CYP27B1: variants seen among roughly 807,000 people sequenced by gnomAD.
CYP27B1 encodes the protein 25-hydroxyvitamin D-1 alpha hydroxylase, mitochondrial.
Under a neutral mutation model 54.8 loss-of-function variants are expected in CYP27B1, and 46 were observed. The observed-to-expected ratio is 0.84, with a 90% confidence interval of 0.66 to 1.07. The LOEUF is 1.07. Among genes scored for constraint, CYP27B1 ranks in the 50% least tolerant of loss-of-function variants. CYP27B1 has a pLI of 0.00. For missense variants in CYP27B1, 674 were observed against 692.2 expected, an observed-to-expected ratio of 0.97 and a Z score of 0.30; for synonymous variants, 292 against 297.3, an observed-to-expected ratio of 0.98 and a Z score of 0.18.
Position 57,764,757 on chromosome 12 carries a change from G to C in CYP27B1, c.960C>G (p.Asp320Glu), listed in dbSNP as rs1955344604. ...CAGCACGGAGGGAGAACCTCACCGT[G>C]TCCACTCCCGCCAATAGCAACTCTG... ...NVTELLLAGV[D>E]TVSNTLSWAL... Residue 320 changes from aspartate (D) to glutamate (E), a missense_variant, in exon 5 of 9, where the codon GAC (aspartate) becomes GAG (glutamate). Transcript: ENST00000228606. 2 of 1,613,924 alleles carry C rather than the reference G, an allele frequency of 1.2e-6. No individual in the cohort carries two copies. Among genetic ancestry groups the C allele is most frequent in the Non-Finnish European group, 1.7e-6 (2 of 1,180,006 alleles).
rs755512223 is a variant in CYP27B1, at chr12:57,767,011, C to T, written c.31G>A (p.Val11Met). ...GGCGCCCAGCGGACGCGATGGAACA[C>T]TCTGGAGGCGTACTTGAGGGTCTGG... MTQTLKYASR[V>M]FHRVRWAPEL... Residue 11 changes from valine (V) to methionine (M), a missense_variant, in exon 1 of 9, where the codon GTG (valine) becomes ATG (methionine). Val to Met is a conservative substitution (Grantham distance 21, BLOSUM62 1). Transcript: ENST00000228606. 7 of 1,614,134 alleles carry T rather than the reference C, an allele frequency of 4.3e-6. No homozygotes were observed. In the Admixed American group the frequency reaches 1.0e-4, roughly 23 times the overall value.
chr12:57,764,422 CA>C lies in CYP27B1; in HGVS notation c.1091del (p.Leu364ArgfsTer7). ...GSSAYPSATV[L>X]SQLPLLKAVV... is the part of the protein sequence containing the mutation. ...CCGCCTTCAGCAGGGGCAGCTGGGA[CA>C]GAACAGTGGCTGAGGGGTAGGCACT... On this transcript the variant is annotated frameshift_variant, in exon 6 of 9. Transcript: ENST00000228606. LOFTEE classifies it high-confidence loss of function. 1 of 1,614,218 alleles carries C rather than the reference CA, an allele frequency of 6.2e-7. No individual in the cohort carries two copies.
At position 57,767,020 on chromosome 12, in the gene CYP27B1, C is replaced by T. The variant is rs577501884; in HGVS notation, c.22G>A (p.Ala8Thr). 1.5e-5 allele frequency: 24 copies of T among 1,614,202 alleles called. No homozygotes were observed. The South Asian group carries it at 2.3e-4, about 16-fold the overall frequency. The change falls in exon 1 of 9, where the codon GCC becomes ACC. Residue 8 changes from alanine to threonine, a missense_variant. Physicochemically the swap from Ala to Thr is moderately conservative, Grantham distance 58. Coordinates refer to ENST00000228606, the MANE Select transcript of CYP27B1 (RefSeq NM_000785.4). ...CGGACGCGATGGAACACTCTGGAGG[C>T]GTACTTGAGGGTCTGGGTCATGGTC... MTQTLKY[A>T]SRVFHRVRWA...
At position 57,764,087 on chromosome 12, in the gene CYP27B1, G is replaced by T; in HGVS notation, c.1215+11C>A. The T allele has an allele frequency of 1.9e-6, 3 of 1,601,844 alleles. No individual in the cohort carries two copies. The highest frequency in any genetic ancestry group is 2.6e-6 in the Non-Finnish European group (3 of 1,168,956). Reference sequence around the variant, plus strand: ...ATGGCTCAGTAGAAAGGGTGCATAGGCTTTACTCACATTTTTGGGGATAAT... The same window carrying T: ...ATGGCTCAGTAGAAAGGGTGCATAGTCTTTACTCACATTTTTGGGGATAAT... On this transcript the variant is annotated intron_variant, in intron 7 of 8. Transcript: ENST00000228606.
In CYP27B1 at chr12:57,766,604, T is replaced by G. The variant is rs563225181; in HGVS notation, c.195+243A>C. On this transcript the variant is annotated intron_variant, in intron 1 of 8. Coordinates refer to ENST00000228606, the MANE Select transcript of CYP27B1 (RefSeq NM_000785.4). ...CCCTCCCGCGCACTTGTACTTTATC[T>G]GCAGGATCTCCACACCTCAGGACAG... The G allele has an allele frequency of 5.0e-6, 3 of 594,798 alleles. No homozygotes were observed. In the African/African-American group the frequency reaches 5.6e-5, roughly 11 times the overall value. The allele number at this position is 594,798 out of a possible 1,614,324, so 36.8% of individuals were successfully genotyped here. A position where few individuals can be genotyped will look rare whatever the true frequency, so the allele number is the denominator to read the frequency against.
intron 8 of CYP27B1, among the ~76,000 whole-genome samples, 159 bp downstream of exon 8, chr12:57,763,452 C>T (rs568414896): frequency 2.0e-5 from 3 of 152,178 alleles, no homozygotes; most frequent in East Asian, 1.9e-4. Flanking sequence ...TGAATACCCT[C>T]ACTTACACTC....
chr12:57,765,466 G>A lies in CYP27B1; in HGVS notation c.420C>T (p.Leu140=), dbSNP rs2140397248. ...EGEEWQRLRS[L]LAPLLLRPQA... is the part of the protein sequence containing the mutation. ...GAGGCCGGAGGAGGAGCGGGGCCAG[G>A]AGACTGCGGAGCCTTTGCCATTCTT... Residue 140 remains leucine (L), a synonymous_variant, in exon 3 of 9, where the codon CTC becomes CTT. Coordinates refer to ENST00000228606, the MANE Select transcript of CYP27B1 (RefSeq NM_000785.4). This position sits in a 1 kb window ranked among gnomAD's most constrained non-coding sequence, Gnocchi z 5.8. 1 of 1,612,344 alleles carries A rather than the reference G, an allele frequency of 6.2e-7. No homozygotes were observed. Among genetic ancestry groups the A allele is most frequent in the Non-Finnish European group, 8.5e-7 (1 of 1,179,420 alleles).
At position 57,763,078 on chromosome 12, in the gene CYP27B1, C is replaced by A. The variant is rs1265980990; in HGVS notation, c.*64G>T. ...GGAAGATGTATACCTTGGTCTTGTG[C>A]CTACAAAAAATCTTATCCCTATGAT... On this transcript the variant is annotated 3_prime_UTR_variant, in exon 9 of 9. Coordinates refer to ENST00000228606, the MANE Select transcript of CYP27B1 (RefSeq NM_000785.4). 1 of 1,185,296 alleles carries A rather than the reference C, an allele frequency of 8.4e-7. No individual in the cohort carries two copies. The highest frequency in any genetic ancestry group is 2.4e-5 in the East Asian group (1 of 41,808). 73.4% of individuals were successfully genotyped at this position (1,185,296 alleles called of 1,614,324 possible). A position where few individuals can be genotyped will look rare whatever the true frequency, so the allele number is the denominator to read the frequency against.
rs765302413 is a variant in CYP27B1, at chr12:57,767,060, C to G, written c.-19G>C. 3 of 1,613,068 alleles carry G rather than the reference C, an allele frequency of 1.9e-6. No homozygotes were observed. Among genetic ancestry groups the G allele is most frequent in the Admixed American group, 3.3e-5 (2 of 60,018 alleles). On this transcript the variant is annotated 5_prime_UTR_variant, in exon 1 of 9. Transcript: ENST00000228606. ...GGGTCATGGTCTGGTTCAGGGTGCT[C>G]GCGAAAGAAAGCGCTTCTCCTGAGC...
Position 57,763,103 on chromosome 12 carries a change from T to C in CYP27B1, c.*39A>G, listed in dbSNP as rs763171658. The C allele has an allele frequency of 2.3e-5, 33 of 1,433,020 alleles. No homozygotes were observed. In the Admixed American group the frequency reaches 4.6e-4, roughly 20 times the overall value. The allele number at this position is 1,433,020 out of a possible 1,614,324, so 88.8% of individuals were successfully genotyped here. ...CCTACAAAAAATCTTATCCCTATGA[T>C]GAATGAAAGGGTGATGATGACAGTC... On this transcript the variant is annotated 3_prime_UTR_variant, in exon 9 of 9. Transcript: ENST00000228606.
chr12:57,766,029 G>A lies in CYP27B1; in HGVS notation c.364C>T (p.Arg122Trp), dbSNP rs561541172. 1 of 1,572,736 alleles carries A rather than the reference G, an allele frequency of 6.4e-7. No individual in the cohort carries two copies. Among genetic ancestry groups the A allele is most frequent in the East Asian group, 2.3e-5 (1 of 43,368 alleles). The change falls in exon 2 of 9, where the codon CGG (arginine) becomes TGG (tryptophan). Residue 122 changes from arginine to tryptophan, a missense_variant. By Grantham distance (101) the Arg-to-Trp change is moderately radical (BLOSUM62 -3). Coordinates refer to ENST00000228606, the MANE Select transcript of CYP27B1 (RefSeq NM_000785.4). ...PWTEHRRCRQRACGLLTAEGE... is the reference protein window; with the variant it reads ...PWTEHRRCRQWACGLLTAEGE... ...CACGCAGTGAGCAGTCCGCAAGCCC[G>A]CTGGCGGCAGCGGCGGTGCTCCGTC...
At chr12:57,763,931 C>T (rs1312209902) in intron 7 of CYP27B1, 123 bp from the exon 8 acceptor site, 1 of 1,125,422 alleles carries the variant, frequency 8.9e-7, no homozygotes, top group Non-Finnish European at 1.3e-6. Flanking sequence ...TCTGGGGCTA[C>T]TTTTGGAAGG....
At position 57,764,764 on chromosome 12, in the gene CYP27B1, C is replaced by G. The variant is rs1213270526; in HGVS notation, c.953G>C (p.Gly318Ala). ...LGNVTELLLA[G>A]VDTVSNTLSW... is the part of the protein sequence containing the mutation. ...GAGGGAGAACCTCACCGTGTCCACT[C>G]CCGCCAATAGCAACTCTGTCACATT... Residue 318 changes from glycine to alanine, a missense_variant, in exon 5 of 9, where the codon GGA becomes GCA. Coordinates refer to ENST00000228606, the MANE Select transcript of CYP27B1 (RefSeq NM_000785.4). The G allele has an allele frequency of 6.2e-7, 1 of 1,614,154 alleles. No individual in the cohort carries two copies. Among genetic ancestry groups the G allele is most frequent in the Non-Finnish European group, 8.5e-7 (1 of 1,180,024 alleles).
Position 57,763,533 on chromosome 12 carries a change from G to C in CYP27B1, c.1413+78C>G, listed in dbSNP as rs1321190934. 4.7e-6 allele frequency: 6 copies of C among 1,281,708 alleles called. No individual in the cohort carries two copies. In the South Asian group the frequency reaches 7.1e-5, roughly 15 times the overall value. 79.4% of individuals were successfully genotyped at this position (1,281,708 alleles called of 1,614,324 possible). On this transcript the variant is annotated intron_variant, in intron 8 of 8. Transcript: ENST00000228606. ...AGGTCTTATATGATTTCCTATGCTT[G>C]TCAGGGGAAAGAGCTCACAACTTTA...
chr12:57,766,021 G>A lies in CYP27B1; in HGVS notation c.372C>T (p.Cys124=), dbSNP rs771410002. The change falls in exon 2 of 9, where the codon TGC becomes TGT. Residue 124 remains cysteine, a synonymous_variant. Coordinates refer to ENST00000228606, the MANE Select transcript of CYP27B1 (RefSeq NM_000785.4). The part of the protein sequence containing the change: ...TEHRRCRQRA[C]GLLTAEGEEW... ...AGAAGACTCACGCAGTGAGCAGTCC[G>A]CAAGCCCGCTGGCGGCAGCGGCGGT... The A allele has an allele frequency of 3.8e-6, 6 of 1,571,294 alleles. No individual in the cohort carries two copies. The highest frequency in any genetic ancestry group is 4.6e-5 in the East Asian group (2 of 43,236).
intron 1 of CYP27B1, chr12:57,766,602 T>C: frequency 1.7e-6 from 1 of 593,246 alleles, no homozygotes; most frequent in South Asian, 2.0e-5. Context: ...TTGTACTTTA[T>C]CTGCAGGATC....
At position 57,764,943 on chromosome 12, in the gene CYP27B1, C is replaced by T. The variant is rs1165069406; in HGVS notation, c.791-17G>A. The T allele has an allele frequency of 3.7e-6, 6 of 1,614,022 alleles. No homozygotes were observed. The highest frequency in any genetic ancestry group is 5.1e-6 in the Non-Finnish European group (6 of 1,180,044). ...GCCTCTGAGCTGCGTGGGTAGAAGG[C>T]ACGTGAATACCTCGCTACCCCTGGA... On this transcript the variant is annotated splice_polypyrimidine_tract_variant and intron_variant, in intron 4 of 8. Coordinates refer to ENST00000228606, the MANE Select transcript of CYP27B1 (RefSeq NM_000785.4).
chr12:57,766,302 C>G, intron 1 of CYP27B1, 105 bp from the exon 2 acceptor site: 1 of 1,390,258 alleles, frequency 7.2e-7, no homozygotes. Flanking sequence ...TAGGGAGCTT[C>G]TGCTCTTTCT....
rs893285574 is a variant in CYP27B1 at position 57,765,339 on chromosome 12, C to G, written c.547G>C (p.Val183Leu). Residue 183 changes from valine to leucine, a missense_variant, in exon 3 of 9, where the codon GTT (valine) becomes CTT (leucine). By Grantham distance (32) the Val-to-Leu change is conservative. Transcript: ENST00000228606. This position sits in a 1 kb window ranked among gnomAD's most constrained non-coding sequence, Gnocchi z 5.8. Reference protein sequence around the residue: ...RGRGTGPPALVRDVAGEFYKF... With the variant: ...RGRGTGPPALLRDVAGEFYKF... ...TAAAATTCCCCCGCCACGTCCCGAA[C>G]CAGGGCGGGCGGCCCCGTGCCACGT... 133 of 1,613,318 alleles carry G rather than the reference C, an allele frequency of 8.2e-5. No homozygotes were observed. The highest frequency in any genetic ancestry group is 1.1e-4 in the Non-Finnish European group (128 of 1,179,818).
Sources: gnomAD v4.1 joint callset for allele counts (sites outside exome capture counted in the v4.1 genomes callset) on GRCh38, gnomAD v4.1.1 for gene constraint, Gnocchi (gnomAD v3.1) non-coding constraint, MANE v1.5 for transcripts, NCBI Gene and HGNC (gene_info 2026-07-23, HGNC 2026-07-21) for gene names.